The following TBC1D10A variants were observed in gnomAD, a reference collection of about 807,000 sequenced individuals.
TBC1D10A encodes the protein TBC1 domain family member 10A.
TBC1D10A carries 24 observed loss-of-function variants against 52.9 expected under a neutral mutation model. That is an observed-to-expected ratio of 0.45 (90% CI 0.33 to 0.64). The LOEUF is 0.64. Ranked by LOEUF, TBC1D10A falls within the 30% of genes least tolerant of loss-of-function variation. The pLI, the probability that TBC1D10A is intolerant of heterozygous loss-of-function variation, is 0.02. For synonymous variants in TBC1D10A, 278 were observed against 282.9 expected, an observed-to-expected ratio of 0.98 and a Z score of 0.17; for missense variants, 602 against 687.9, an observed-to-expected ratio of 0.88 and a Z score of 1.40.
intron 3 of TBC1D10A, chr22:30,296,630 C>T (rs1986016957): frequency 6.6e-6 from 1 of 152,164 alleles, no homozygotes; most frequent in Admixed American, 6.5e-5. Context: ...AGTATGTGCA[C>T]CTTTACAAAA....
chr22:30,322,233 G>A (rs183746459), intron 1 of TBC1D10A, among the ~76,000 whole-genome samples: 2 of 152,000 alleles, frequency 1.3e-5, no homozygotes, highest in Admixed American at 6.5e-5. Flanking sequence ...TGCCCACCTC[G>A]GCCTCCTAAA....
Position 30,294,844 on chromosome 22 carries a change from C to T in TBC1D10A, c.657G>A (p.Leu219=), listed in dbSNP as rs766839279. The T allele has an allele frequency of 1.9e-6, 3 of 1,614,152 alleles. No homozygotes were observed. The highest frequency in any genetic ancestry group is 2.5e-6 in the Non-Finnish European group (3 of 1,180,024). Residue 219 remains leucine (L), a synonymous_variant, in exon 6 of 9, where the codon CTG becomes CTA. Coordinates refer to ENST00000215790, the MANE Select transcript of TBC1D10A (RefSeq NM_031937.3). ...HMPAEQAFWC[L]VQICEKYLPG... ...GCAGGTACTTCTCACAGATCTGTAC[C>T]AGGCACCAGAAGGCTTGCTGTGGGC...
intron 1 of TBC1D10A, among the ~76,000 whole-genome samples, chr22:30,325,265 G>C (rs1180097338): frequency 2.6e-5 from 4 of 152,236 alleles, no homozygotes; most frequent in Non-Finnish European, 2.9e-5. Context: ...CTCCCCTTAG[G>C]GGAGGGGCCT....
At chr22:30,326,348 G>A (rs1215736679) in intron 1 of TBC1D10A, among the ~76,000 whole-genome samples, 2 of 151,892 alleles carry the variant, frequency 1.3e-5, no homozygotes, top group Non-Finnish European at 2.9e-5. Context: ...TTGGCGGCAG[G>A]GGTGGGTTTG....
rs1930794193 is a variant in TBC1D10A at position 30,326,909 on chromosome 22, A to G, written c.-28T>C. 4.1e-6 allele frequency: 6 copies of G among 1,447,474 alleles called. No homozygotes were observed. In the African/African-American group the frequency reaches 5.9e-5, roughly 14 times the overall value. The allele number at this position is 1,447,474 out of a possible 1,614,324, so 89.7% of individuals were successfully genotyped here. ...CAGCCGCGCCCGCCGCCTGAGCTCC[A>G]GCGGCCACCTCAGCCGCCCTGCTGC... On this transcript the variant is annotated 5_prime_UTR_variant, in exon 1 of 9. Coordinates refer to ENST00000215790, the MANE Select transcript of TBC1D10A (RefSeq NM_031937.3).
Position 30,292,762 on chromosome 22 carries a change from C to T in TBC1D10A, c.1140G>A (p.Gln380=). The change falls in exon 9 of 9, where the codon CAG becomes CAA. Residue 380 remains glutamine, a synonymous_variant. Coordinates refer to ENST00000215790, the MANE Select transcript of TBC1D10A (RefSeq NM_031937.3). ...RRWQETRGEL[Q]CRSPPRLHGA... The stretch of plus-strand genomic sequence containing the variant: ...CATGCAGCCTGGGCGGGGAGCGGCA[C>T]TGCAGCTCACCCCGGGTCTCCTGCC... 6.2e-7 allele frequency: 1 copy of T among 1,612,306 alleles called. No individual in the cohort carries two copies. The highest frequency in any genetic ancestry group is 8.5e-7 in the Non-Finnish European group (1 of 1,179,866).
chr22:30,308,048 G>A (rs912321673), intron 1 of TBC1D10A, among the ~76,000 whole-genome samples: 6 of 152,142 alleles, frequency 3.9e-5, no homozygotes, highest in South Asian at 2.1e-4. Context: ...CACCCGCCTC[G>A]GCCTCCTGAA....
At chr22:30,302,819 C>T (rs949007869) in intron 2 of TBC1D10A, among the ~76,000 whole-genome samples, 5 of 152,192 alleles carry the variant, frequency 3.3e-5, no homozygotes, top group African/African-American at 9.7e-5. Context: ...TCTGGAATCC[C>T]GATTTTCAAG....
At position 30,294,876 on chromosome 22, in the gene TBC1D10A, G is replaced by C. The variant is rs752364331; in HGVS notation, c.640-15C>G. On this transcript the variant is annotated splice_polypyrimidine_tract_variant and intron_variant, in intron 5 of 8. Coordinates refer to ENST00000215790, the MANE Select transcript of TBC1D10A (RefSeq NM_031937.3). ...CAGAAGGCTTGCTGTGGGCAAGAGA[G>C]ATGTGAGGCCTTGCCGTTGGGGGTT... 45 of 1,614,030 alleles carry C rather than the reference G, an allele frequency of 2.8e-5. No homozygotes were observed. In the South Asian group the frequency reaches 3.7e-4, roughly 13 times the overall value.
intron 1 of TBC1D10A, among the ~76,000 whole-genome samples, chr22:30,321,819 TA>T (rs1382047789): frequency 6.6e-6 from 1 of 152,120 alleles, no homozygotes; most frequent in African/African-American, 2.4e-5. Context: ...AGACCTGGTA[TA>T]AAACTTGTAT....
In TBC1D10A at chr22:30,304,513, T is replaced by A; in HGVS notation, c.309+18A>T. On this transcript the variant is annotated intron_variant, in intron 2 of 8. Transcript: ENST00000215790. ...AGCTGCCAACTCCCAGCCCAATACC[T>A]GAGGCCAGGCCCCTCACCTTTTTGT... 3 of 1,614,010 alleles carry A rather than the reference T, an allele frequency of 1.9e-6. No individual in the cohort carries two copies. Among genetic ancestry groups the A allele is most frequent in the South Asian group, 2.2e-5 (2 of 91,064 alleles).
In TBC1D10A at chr22:30,292,427, T is replaced by C; in HGVS notation, c.1475A>G (p.His492Arg). ...QDLAPQVSAH[H>R]RSQESLTSQE... ...GGACGTCAAGCTCTCCTGGGAGCGG[T>C]GGTGGGCTGAGACCTGGGGAGCCAA... The change falls in exon 9 of 9, where the codon CAC becomes CGC. Residue 492 changes from histidine to arginine, a missense_variant. This residue lies in a region of TBC1D10A where 265 missense variants were observed against 275.1 expected (regional missense o/e 0.96). Transcript: ENST00000215790. 6.3e-7 allele frequency: 1 copy of C among 1,594,978 alleles called. No homozygotes were observed. Among genetic ancestry groups the C allele is most frequent in the South Asian group, 1.1e-5 (1 of 88,458 alleles).
chr22:30,320,560 G>A (rs1408353450), intron 1 of TBC1D10A, among the ~76,000 whole-genome samples: 1 of 152,032 alleles, frequency 6.6e-6, no homozygotes, highest in Non-Finnish European at 1.5e-5. Context: ...CTTTTTCCTC[G>A]GTCTTCAGTA....
intron 1 of TBC1D10A, among the ~76,000 whole-genome samples, chr22:30,326,191 T>G: frequency 7.1e-6 from 1 of 139,946 alleles, no homozygotes; most frequent in Non-Finnish European, 1.5e-5. Flanking sequence ...CGGTCTGAGG[T>G]CTCCTGGTGT....
chr22:30,311,924 C>G (rs2145778107), intron 1 of TBC1D10A, among the ~76,000 whole-genome samples: 1 of 152,312 alleles, frequency 6.6e-6, no homozygotes, highest in Non-Finnish European at 1.5e-5. Flanking sequence ...TCTCGAGTAG[C>G]TGGGACCATA....
chr22:30,293,898 TC>T (rs765807379), intron 7 of TBC1D10A, 22 bp downstream of exon 7: 2 of 1,605,538 alleles, frequency 1.2e-6, no homozygotes, highest in Non-Finnish European at 1.7e-6. Context: ...ACAGGGGTGC[TC>T]CCCCCAAGCC....
intron 2 of TBC1D10A, chr22:30,299,793 C>A (rs1347805429): frequency 2.9e-6 from 1 of 349,382 alleles, no homozygotes; most frequent in African/African-American, 2.1e-5. Context: ...ATGGTGAAAC[C>A]CCGTGTCTAC....
intron 2 of TBC1D10A, among the ~76,000 whole-genome samples, chr22:30,302,324 G>A (rs1248396906): frequency 6.6e-6 from 1 of 152,228 alleles, no homozygotes; most frequent in East Asian, 1.9e-4. Context: ...CTTGCCTGCT[G>A]AACTCTGTGA....
intron 2 of TBC1D10A, among the ~76,000 whole-genome samples, chr22:30,303,705 C>T (rs1206161147): frequency 6.6e-6 from 1 of 152,248 alleles, no homozygotes; most frequent in Admixed American, 6.5e-5. Flanking sequence ...AGGGTTCATT[C>T]TGTGCATTAG....
Sources: gnomAD v4.1 joint callset for allele counts (sites outside exome capture counted in the v4.1 genomes callset) on GRCh38, gnomAD v4.1.1 for gene constraint, gnomAD v4.1.1 regional missense constraint, MANE v1.5 for transcripts, NCBI Gene and HGNC (gene_info 2026-07-23, HGNC 2026-07-21) for gene names.